Variants in CADM2 observed in about 807,000 individuals in gnomAD.
CADM2 encodes cell adhesion molecule 2.
CADM2 carries 12 observed loss-of-function variants against 49.8 expected under a neutral mutation model. The observed-to-expected ratio is 0.24, with a 90% CI of 0.15 to 0.39. The LOEUF is 0.39. Ranked by LOEUF, CADM2 falls within the 10% of genes least tolerant of loss-of-function variation. The probability of loss-of-function intolerance (pLI) is 1.00; values close to 1 mark genes in which losing one functional copy is unlikely to be tolerated. For missense variants in CADM2, 378 were observed against 492.3 expected (o/e 0.77, Z 2.20); for synonymous variants, 214 against 175.4 (o/e 1.22, Z -1.74).
intron 1 of CADM2, among the ~76,000 whole-genome samples, chr3:85,517,277 A>G (rs913438488): frequency 3.9e-5 from 6 of 152,074 alleles, no homozygotes; most frequent in East Asian, 1.9e-4. Flanking sequence ...TGATGCTACC[A>G]TTACTTGTGG....
chr3:85,649,456 C>T (rs1003617231), intron 1 of CADM2, among the ~76,000 whole-genome samples: 2 of 152,098 alleles, frequency 1.3e-5, no homozygotes. Flanking sequence ...TTCTAACTCT[C>T]ATGTTTTGAA....
At chr3:85,750,056 G>A (rs186909510) in intron 2 of CADM2, among the ~76,000 whole-genome samples, 34 of 151,948 alleles carry the variant, frequency 2.2e-4, no homozygotes, top group East Asian at 3.9e-4. Context: ...GTCATTCTGC[G>A]TTAGATATAA....
At chr3:86,044,198 A>C (rs1736337098) in intron 8 of CADM2, among the ~76,000 whole-genome samples, 1 of 152,224 alleles carries the variant, frequency 6.6e-6, no homozygotes, top group Admixed American at 6.5e-5. Context: ...AACACAAGCC[A>C]AAATTGACAA....
chr3:85,991,472 A>G (rs986922969), intron 8 of CADM2, among the ~76,000 whole-genome samples: 1 of 152,180 alleles, frequency 6.6e-6, no homozygotes, highest in Admixed American at 6.6e-5. Flanking sequence ...AATAAATAAA[A>G]AACAATTTTT....
chr3:85,688,496 C>A (rs9883807), intron 1 of CADM2, among the ~76,000 whole-genome samples: 72,703 of 151,414 alleles, frequency 0.48, 17,906 homozygotes, highest in African/African-American at 0.61. Flanking sequence ...AATTCTCATG[C>A]ACCACCACTG....
chr3:85,373,882 C>T (rs1280411854), intron 1 of CADM2, among the ~76,000 whole-genome samples: 1 of 152,158 alleles, frequency 6.6e-6, no homozygotes, highest in Non-Finnish European at 1.5e-5. Flanking sequence ...GCAGCAATGC[C>T]CTGGGCCTGG....
chr3:85,018,628 T>A (rs979994064), intron 1 of CADM2, among the ~76,000 whole-genome samples: 2 of 152,186 alleles, frequency 1.3e-5, no homozygotes, highest in Non-Finnish European at 2.9e-5. Flanking sequence ...TGAGTTTATT[T>A]ACATAAACTC....
intron 1 of CADM2, among the ~76,000 whole-genome samples, chr3:85,335,472 C>A (rs1260245411): frequency 1.3e-5 from 2 of 151,114 alleles, no homozygotes; most frequent in Non-Finnish European, 3.0e-5. Context: ...TTATGGTGTA[C>A]AGTGTTATGT....
chr3:85,852,892 T>G (rs1028211749), intron 3 of CADM2, among the ~76,000 whole-genome samples: 1 of 152,096 alleles, frequency 6.6e-6, no homozygotes, highest in Non-Finnish European at 1.5e-5. Context: ...ATTCAATCAA[T>G]AAATTTTCTG....
At chr3:85,153,829 A>ACTGACAC (rs1216992891) in intron 1 of CADM2, among the ~76,000 whole-genome samples, 1 of 152,198 alleles carries the variant, frequency 6.6e-6, no homozygotes, top group Non-Finnish European at 1.5e-5. Context: ...GCAGGGGCAG[A>ACTGACAC]CTGACACCTC....
intron 1 of CADM2, among the ~76,000 whole-genome samples, chr3:85,336,884 A>T (rs1262340345): frequency 7.0e-6 from 1 of 143,502 alleles, no homozygotes. Context: ...ATATATATGA[A>T]TTATATATAT....
intron 1 of CADM2, among the ~76,000 whole-genome samples, chr3:85,139,085 T>A (rs1207253089): frequency 6.6e-6 from 1 of 152,148 alleles, no homozygotes; most frequent in African/African-American, 2.4e-5. Flanking sequence ...TGTGGCTGTA[T>A]ACAAGGGTCA....
chr3:85,182,074 G>T (rs531219740), intron 1 of CADM2, among the ~76,000 whole-genome samples: 23 of 151,520 alleles, frequency 1.5e-4, no homozygotes, highest in Admixed American at 3.3e-4. Flanking sequence ...AAGTTACATT[G>T]CATCTTCTAA....
intron 8 of CADM2, among the ~76,000 whole-genome samples, chr3:86,050,094 A>T (rs963483053): frequency 6.6e-6 from 1 of 152,170 alleles, no homozygotes; most frequent in Non-Finnish European, 1.5e-5. Context: ...AAAATCAAAA[A>T]CAAGTTTGTT....
chr3:85,645,083 T>C (rs1403143250), intron 1 of CADM2, among the ~76,000 whole-genome samples: 1 of 152,146 alleles, frequency 6.6e-6, no homozygotes, highest in Non-Finnish European at 1.5e-5. Context: ...AAGCCCATTC[T>C]TCTCTTTTCT....
intron 1 of CADM2, among the ~76,000 whole-genome samples, chr3:85,375,301 A>C (rs2033525210): frequency 6.6e-6 from 1 of 152,156 alleles, no homozygotes; most frequent in Non-Finnish European, 1.5e-5. Flanking sequence ...ATTCCAATTA[A>C]ATTTCTTTCC....
At chr3:85,473,947 C>T (rs768467815) in intron 1 of CADM2, among the ~76,000 whole-genome samples, 8 of 151,860 alleles carry the variant, frequency 5.3e-5, no homozygotes, top group Non-Finnish European at 1.2e-4. Flanking sequence ...AGCTAGTTTC[C>T]TTATTTATAA....
intron 2 of CADM2, among the ~76,000 whole-genome samples, chr3:85,759,149 C>T (rs1304584878): frequency 6.6e-6 from 1 of 151,832 alleles, no homozygotes; most frequent in Non-Finnish European, 1.5e-5. Context: ...ATGATTAATG[C>T]TCTCTCATCT....
intron 1 of CADM2, among the ~76,000 whole-genome samples, chr3:85,338,001 A>G (rs1451246691): frequency 6.6e-6 from 1 of 151,744 alleles, no homozygotes; most frequent in East Asian, 1.9e-4. Flanking sequence ...CATTCAAAAT[A>G]CTGCCTTAAG....
Sources: gnomAD v4.1 joint callset for allele counts (sites outside exome capture counted in the v4.1 genomes callset) on GRCh38, gnomAD v4.1.1 for gene constraint, MANE v1.5 for transcripts, NCBI Gene and HGNC (gene_info 2026-07-23, HGNC 2026-07-21) for gene names.